The following CDK8 variants were observed in gnomAD, a reference collection of about 807,000 sequenced individuals.
CDK8 encodes the protein cyclin dependent kinase 8.
In CDK8, 29 loss-of-function variants were observed where a neutral mutation model predicts 71.5. The observed-to-expected ratio is 0.41, with a 90% CI of 0.30 to 0.55. The LOEUF (loss-of-function observed/expected upper bound fraction) is 0.55, where lower values mean the gene tolerates loss of function less well. Ranked by LOEUF, CDK8 falls within the 20% of genes least tolerant of loss-of-function variation. The pLI, the probability that CDK8 is intolerant of heterozygous loss-of-function variation, is 0.37. For synonymous variants in CDK8, 161 were observed against 192.1 expected, an observed-to-expected ratio of 0.84 and a Z score of 1.34; for missense variants, 288 against 572.6, an observed-to-expected ratio of 0.50 and a Z score of 5.07.
intron 1 of CDK8, among the ~76,000 whole-genome samples, chr13:26,334,315 T>C (rs1460195545): frequency 6.6e-6 from 1 of 152,202 alleles, no homozygotes; most frequent in African/African-American, 2.4e-5. Context: ...GGGGTTCAAT[T>C]CTAGGATGTA....
At chr13:26,266,697 C>T (rs932803108) in intron 1 of CDK8, among the ~76,000 whole-genome samples, 1 of 152,134 alleles carries the variant, frequency 6.6e-6, no homozygotes, top group East Asian at 1.9e-4. Context: ...AGGTTTTATT[C>T]AGTGTTTTTG....
intron 1 of CDK8, among the ~76,000 whole-genome samples, chr13:26,335,970 C>T (rs1443137618): frequency 6.6e-6 from 1 of 151,710 alleles, no homozygotes; most frequent in Non-Finnish European, 1.5e-5. Context: ...TTAAAGGTGC[C>T]CTTCTTGTTG....
intron 1 of CDK8, among the ~76,000 whole-genome samples, chr13:26,335,273 C>A (rs1216163310): frequency 1.3e-5 from 2 of 152,208 alleles, no homozygotes; most frequent in Non-Finnish European, 1.5e-5. Context: ...GCCTACTCCA[C>A]TATCCATTGT....
At chr13:26,320,076 G>A (rs1340346129) in intron 1 of CDK8, among the ~76,000 whole-genome samples, 1 of 151,920 alleles carries the variant, frequency 6.6e-6, no homozygotes, top group Non-Finnish European at 1.5e-5. Context: ...ACCTTAAAAT[G>A]GATTAAAGAT....
At chr13:26,320,157 TGGGAGGCTGAGGAG>T (rs1251271458) in intron 1 of CDK8, among the ~76,000 whole-genome samples, 1 of 151,782 alleles carries the variant, frequency 6.6e-6, no homozygotes, top group Non-Finnish European at 1.5e-5. Context: ...CCCAGCACTT[TGGGAGGCTGAGGAG>T]GGAAGATCGC....
intron 1 of CDK8, among the ~76,000 whole-genome samples, chr13:26,255,865 C>T (rs1871500429): frequency 6.6e-6 from 1 of 151,996 alleles, no homozygotes; most frequent in Admixed American, 6.6e-5. Flanking sequence ...GTTCAGACTA[C>T]ATTAGCACGA....
At chr13:26,354,741 C>G (rs1156828160) in intron 4 of CDK8, among the ~76,000 whole-genome samples, 1 of 152,186 alleles carries the variant, frequency 6.6e-6, no homozygotes, top group South Asian at 2.1e-4. Flanking sequence ...CATCCCCTCC[C>G]ACCCCGCTCC....
intron 1 of CDK8, among the ~76,000 whole-genome samples, chr13:26,288,257 C>T (rs1450289265): frequency 1.3e-5 from 2 of 152,132 alleles, no homozygotes; most frequent in Non-Finnish European, 2.9e-5. Flanking sequence ...CCACTGCGCC[C>T]GGCCTAGTGC....
intron 4 of CDK8, among the ~76,000 whole-genome samples, chr13:26,376,471 A>G (rs372287826): frequency 6.6e-6 from 1 of 152,222 alleles, no homozygotes; most frequent in African/African-American, 2.4e-5. Flanking sequence ...ATTTCCATCT[A>G]TTAAAAAATA....
At chr13:26,311,105 A>G (rs1874266590) in intron 1 of CDK8, among the ~76,000 whole-genome samples, 1 of 149,538 alleles carries the variant, frequency 6.7e-6, no homozygotes. Context: ...TTTAACATGT[A>G]TAACAAAATC....
At chr13:26,373,478 C>G (rs1458501035) in intron 4 of CDK8, among the ~76,000 whole-genome samples, 1 of 152,070 alleles carries the variant, frequency 6.6e-6, no homozygotes, top group African/African-American at 2.4e-5. Flanking sequence ...ATATAACAAT[C>G]TTTTAACAAA....
intron 7 of CDK8, 96 bp from the exon 8 acceptor site, chr13:26,396,189 C>T (rs151186730): frequency 2.0e-5 from 9 of 456,664 alleles, no homozygotes; most frequent in South Asian, 4.9e-5. Flanking sequence ...GGAGGTTGAA[C>T]GGATAGGAAA....
intron 1 of CDK8, among the ~76,000 whole-genome samples, chr13:26,288,578 TACCCC>T (rs1873137477): frequency 1.3e-5 from 2 of 151,856 alleles, no homozygotes; most frequent in Admixed American, 6.6e-5. Context: ...TATAAATTTC[TACCCC>T]ACCCCACCCC....
intron 1 of CDK8, among the ~76,000 whole-genome samples, chr13:26,322,355 C>T (rs910559693): frequency 1.3e-5 from 2 of 152,110 alleles, no homozygotes; most frequent in Admixed American, 6.6e-5. Context: ...TTGTGAGATT[C>T]GCTGGCTGCT....
intron 4 of CDK8, among the ~76,000 whole-genome samples, chr13:26,381,506 G>A (rs1050817055): frequency 6.6e-6 from 1 of 151,956 alleles, no homozygotes; most frequent in Non-Finnish European, 1.5e-5. Context: ...TAAAACATCA[G>A]TATTATTATT....
intron 1 of CDK8, among the ~76,000 whole-genome samples, chr13:26,289,990 A>G (rs994424330): frequency 1.3e-5 from 2 of 152,216 alleles, no homozygotes; most frequent in Admixed American, 1.3e-4. Flanking sequence ...ACTCTTTTGC[A>G]TTTAGATCAG....
chr13:26,372,179 A>C (rs1208233839), intron 4 of CDK8, among the ~76,000 whole-genome samples: 1 of 152,196 alleles, frequency 6.6e-6, no homozygotes, highest in Non-Finnish European at 1.5e-5. Context: ...ATAGAAAACT[A>C]AAAATAAAAT....
At chr13:26,399,039 T>C (rs570731787) in intron 9 of CDK8, among the ~76,000 whole-genome samples, 1 of 151,956 alleles carries the variant, frequency 6.6e-6, no homozygotes, top group South Asian at 2.1e-4. Flanking sequence ...GAGACACAGT[T>C]TCATTGTGTC....
chr13:26,297,197 C>T (rs567958103), intron 1 of CDK8, among the ~76,000 whole-genome samples: 3 of 152,250 alleles, frequency 2.0e-5, no homozygotes, highest in African/African-American at 7.2e-5. Flanking sequence ...TGTTTATAAA[C>T]CCAACAGTCA....
Sources: gnomAD v4.1 joint callset for allele counts (sites outside exome capture counted in the v4.1 genomes callset) on GRCh38, gnomAD v4.1.1 for gene constraint, MANE v1.5 for transcripts, NCBI Gene and HGNC (gene_info 2026-07-23, HGNC 2026-07-21) for gene names.